The following GNL3L variants were observed in gnomAD, a reference collection of about 807,000 sequenced individuals.
GNL3L encodes the protein guanine nucleotide-binding protein-like 3-like protein.
Under a neutral mutation model 42.9 loss-of-function variants are expected in GNL3L, and 4 were observed. The observed-to-expected ratio is 0.09, with a 90% CI of 0.05 to 0.21. GNL3L has a LOEUF of 0.21. Ranked by LOEUF, GNL3L falls within the 10% of genes least tolerant of loss-of-function variation. The pLI is 1.00. For missense variants in GNL3L, 412 were observed against 481.7 expected (o/e 0.86, Z 1.36); for synonymous variants, 159 against 176.3 (o/e 0.90, Z 0.78).
At chrX:54,585,303 TA>T (rs1264399623) in intron 16 of GNL3L, among the ~76,000 whole-genome samples, 4 of 111,501 alleles carry the variant, frequency 3.6e-5, no homozygotes, top group Non-Finnish European at 7.5e-5. Context: ...TATTTTCCCT[TA>T]TTTTTTTTTT....
rs869217575 is a variant in GNL3L at position 54,579,986 on chromosome X, G to GTTTTTTTTTTTTT, written c.*45+19354_*45+19366dup. Among the ~76,000 whole-genome samples the GTTTTTTTTTTTTT allele has an allele frequency of 1.0e-3, 50 of 47,666 alleles. 3 individuals are homozygous for GTTTTTTTTTTTTT. Among genetic ancestry groups the GTTTTTTTTTTTTT allele is most frequent in the African/African-American group, 4.7e-3 (48 of 10,198 alleles). 41.4% of individuals were successfully genotyped at this position (47,666 alleles called of 115,157 possible). On this transcript the variant is annotated intron_variant, in intron 16 of 16. Coordinates refer to the GNL3L transcript ENST00000674498. ...AGCCACTGTGCCTGGCCTAAAGTTT[G>GTTTTTTTTTTTTT]TTTTTTTTTTTTTTTTTTTTTTTTT...
chrX:54,570,564 G>A (rs190547188), downstream of GNL3L, among the ~76,000 whole-genome samples: 244 of 110,433 alleles, frequency 2.2e-3, no homozygotes, highest in African/African-American at 7.0e-3. Flanking sequence ...GTATGGCTAG[G>A]TTTGAGTCTA....
chrX:54,547,570 T>C (rs1479159615), intron 8 of GNL3L, among the ~76,000 whole-genome samples: 1 of 110,435 alleles, frequency 9.1e-6, no homozygotes, highest in Non-Finnish European at 1.9e-5. Context: ...CCGGGTGTGG[T>C]GGTGCATGCC....
rs1569542573 is a variant in GNL3L at position 54,607,009 on chromosome X, T to TC, written c.*46-13836_*46-13835insC. Among the ~76,000 whole-genome samples, 16 of 31,384 alleles carry TC rather than the reference T, an allele frequency of 5.1e-4. 1 individual carries two copies. In the African/African-American group the frequency reaches 5.4e-3, roughly 11 times the overall value. 27.3% of individuals were successfully genotyped at this position (31,384 alleles called of 115,157 possible). On this transcript the variant is annotated intron_variant, in intron 16 of 16. Transcript: ENST00000674498. ...TCCTTTCCTTTCCTTTCTTTCTTTCTTTCTTTCTTTCTTTCTTTCTTTCTT... is the reference window on the plus strand; with the variant it reads ...TCCTTTCCTTTCCTTTCTTTCTTTCTCTTCTTTCTTTCTTTCTTTCTTTCTT...
intron 13 of GNL3L, 48 bp downstream of exon 13, chrX:54,552,476 A>C: frequency 8.8e-7 from 1 of 1,139,732 alleles, no homozygotes; most frequent in Non-Finnish European, 1.2e-6. Context: ...TAGTGGGGCC[A>C]CACAGACCTG....
chrX:54,627,583 C>T, the GNL3L span, among the ~76,000 whole-genome samples: 1 of 110,913 alleles, frequency 9.0e-6, no homozygotes, highest in East Asian at 2.8e-4. Context: ...TTTTCTAGTT[C>T]CTTGAAATGC....
downstream of GNL3L, among the ~76,000 whole-genome samples, chrX:54,622,608 T>G (rs1371321768): frequency 2.7e-5 from 3 of 110,748 alleles, no homozygotes; most frequent in East Asian, 8.4e-4. Flanking sequence ...TTTTAAATAT[T>G]ATGAATATTA....
At chrX:54,574,102 C>T (rs1324234189) in intron 16 of GNL3L, among the ~76,000 whole-genome samples, 2 of 111,734 alleles carry the variant, frequency 1.8e-5, no homozygotes, top group African/African-American at 6.5e-5. Context: ...AATGGTTTTA[C>T]ATCTTCCTTT....
chrX:54,627,389 TCTCTC>T, the GNL3L span, among the ~76,000 whole-genome samples: 1 of 111,444 alleles, frequency 9.0e-6, no homozygotes, highest in Non-Finnish European at 1.9e-5. Flanking sequence ...ATTTGGGTCT[TCTCTC>T]TTTTTTTTTT....
At chrX:54,635,832 A>G in the GNL3L span, among the ~76,000 whole-genome samples, 8 of 110,817 alleles carry the variant, frequency 7.2e-5, no homozygotes, top group Non-Finnish European at 1.1e-4. Flanking sequence ...TTCAACACCT[A>G]ACTAGGCTTG....
chrX:54,635,220 CT>C, the GNL3L span, among the ~76,000 whole-genome samples: 2 of 111,733 alleles, frequency 1.8e-5, no homozygotes, highest in African/African-American at 6.5e-5. Context: ...AATCATTGTA[CT>C]TTTCAGCTCC....
intron 16 of GNL3L, among the ~76,000 whole-genome samples, chrX:54,606,184 A>G (rs369983204): frequency 8.9e-6 from 1 of 111,860 alleles, no homozygotes; most frequent in East Asian, 2.8e-4. Flanking sequence ...TTGAACTACC[A>G]TTAGATTAAG....
At chrX:54,645,036 C>A in the GNL3L span, among the ~76,000 whole-genome samples, 2 of 111,286 alleles carry the variant, frequency 1.8e-5, no homozygotes, top group Non-Finnish European at 3.8e-5. Context: ...TTTCCCTTAT[C>A]TTTTTGAACT....
Position 54,542,403 on chromosome X carries a change from C to T in GNL3L, c.307-552C>T, listed in dbSNP as rs779620502. On this transcript the variant is annotated intron_variant, in intron 5 of 15. Transcript: ENST00000360845. Reference sequence around the variant, plus strand: ...GAGAATGATGGTTTCCAGCTTCATCCATGTCCCTACAAAGGACATGAACTC... The same window carrying T: ...GAGAATGATGGTTTCCAGCTTCATCTATGTCCCTACAAAGGACATGAACTC... Among the ~76,000 whole-genome samples the T allele has an allele frequency of 4.5e-5, 5 of 110,640 alleles. No homozygotes were observed. In the East Asian group the frequency reaches 1.4e-3, roughly 32 times the overall value.
At chrX:54,645,336 G>A in the GNL3L span, among the ~76,000 whole-genome samples, 6 of 111,236 alleles carry the variant, frequency 5.4e-5, no homozygotes, top group Non-Finnish European at 1.1e-4. Context: ...ACTGGTTTTC[G>A]GTTAGAAATA....
At chrX:54,597,777 A>G (rs769572120) in intron 16 of GNL3L, among the ~76,000 whole-genome samples, 1 of 110,936 alleles carries the variant, frequency 9.0e-6, no homozygotes, top group Non-Finnish European at 1.9e-5. Flanking sequence ...TGCAACCTCT[A>G]TGGGTGGGCA....
chrX:54,560,735 C>T lies in GNL3L; in HGVS notation c.*133C>T. 1 of 490,689 alleles carries T rather than the reference C, an allele frequency of 2.0e-6. No homozygotes were observed. Among genetic ancestry groups the T allele is most frequent in the South Asian group, 3.1e-5 (1 of 31,953 alleles). 40.4% of individuals were successfully genotyped at this position (490,689 alleles called of 1,213,427 possible). A position where few individuals can be genotyped will look rare whatever the true frequency, so the allele number is the denominator to read the frequency against. ...GCTTTCCCCACTGTGTGTCTTCTCC[C>T]CCTCCTCCAGTAAAAACAGTCCCGG... On this transcript the variant is annotated 3_prime_UTR_variant, in exon 16 of 16. Coordinates refer to ENST00000360845, the MANE Select transcript of GNL3L (RefSeq NM_001184819.2).
intron 16 of GNL3L, among the ~76,000 whole-genome samples, chrX:54,608,345 TTTTA>T (rs1234599492): frequency 8.9e-6 from 1 of 111,909 alleles, no homozygotes; most frequent in Admixed American, 9.5e-5. Context: ...AAACTAACAA[TTTTA>T]TTTATTATTT....
intron 2 of GNL3L, among the ~76,000 whole-genome samples, chrX:54,535,929 AT>A (rs1156467112): frequency 2.4e-3 from 227 of 94,258 alleles, no homozygotes; most frequent in Admixed American, 2.2e-3. Context: ...CACCTGGCTA[AT>A]TTTTTTTTTT....
Sources: gnomAD v4.1 joint callset for allele counts (sites outside exome capture counted in the v4.1 genomes callset) on GRCh38, gnomAD v4.1.1 for gene constraint, MANE v1.5 for transcripts, NCBI Gene and HGNC (gene_info 2026-07-23, HGNC 2026-07-21) for gene names.